Variants in EYS observed in about 807,000 individuals in gnomAD.
EYS encodes the protein EGF-like photoreceptor maintenance factor.
EYS carries 250 observed loss-of-function variants against 282.1 expected under a neutral mutation model. The ratio of observed to expected loss-of-function variants is 0.89; its 90% CI spans 0.80 to 0.98. EYS has a LOEUF of 0.98. Ranked by LOEUF, EYS falls within the 50% of genes least tolerant of loss-of-function variation. The pLI, the probability that EYS is intolerant of heterozygous loss-of-function variation, is 0.00. For missense variants in EYS, 4,016 were observed against 3,709.0 expected (o/e 1.08, Z -2.15); for synonymous variants, 1,355 against 1,282.9 (o/e 1.06, Z -1.20).
intron 5 of EYS, among the ~76,000 whole-genome samples, chr6:65,409,623 C>T (rs575839593): frequency 3.9e-5 from 6 of 152,208 alleles, no homozygotes; most frequent in African/African-American, 7.2e-5. Context: ...TTAAGGTATT[C>T]GTACTTCAAG....
intron 41 of EYS, among the ~76,000 whole-genome samples, chr6:63,739,919 C>T (rs576333118): frequency 1.4e-3 from 208 of 148,974 alleles, no homozygotes; most frequent in Non-Finnish European, 2.5e-3. Context: ...AGGCTGGTCT[C>T]GAACTCCTGA....
chr6:64,719,305 A>G (rs1300711030), intron 22 of EYS, among the ~76,000 whole-genome samples: 2 of 152,184 alleles, frequency 1.3e-5, no homozygotes, highest in Non-Finnish European at 2.9e-5. Flanking sequence ...TGACCTACGG[A>G]GTTCTGGGAT....
intron 12 of EYS, among the ~76,000 whole-genome samples, chr6:65,110,233 A>G (rs1775176443): frequency 6.6e-6 from 1 of 152,124 alleles, no homozygotes; most frequent in Admixed American, 6.6e-5. Context: ...TTCCGTTTAC[A>G]TTGTTCATTC....
At chr6:64,573,993 A>G (rs1178648517) in intron 26 of EYS, among the ~76,000 whole-genome samples, 2 of 152,192 alleles carry the variant, frequency 1.3e-5, no homozygotes, top group African/African-American at 2.4e-5. Context: ...TTATTGCAGG[A>G]CTATTCACAA....
intron 1 of EYS, among the ~76,000 whole-genome samples, chr6:65,649,593 C>T (rs1177774681): frequency 6.6e-6 from 1 of 152,200 alleles, no homozygotes; most frequent in Non-Finnish European, 1.5e-5. Flanking sequence ...AATGCTGATA[C>T]ATGCAAAATA....
At chr6:64,400,452 T>C (rs955168542) in intron 28 of EYS, 6 of 152,092 alleles carry the variant, frequency 3.9e-5, no homozygotes, top group African/African-American at 1.2e-4. Flanking sequence ...CCATTATACC[T>C]ACGTAGGCCA....
intron 2 of EYS, among the ~76,000 whole-genome samples, chr6:65,590,829 A>C (rs918219961): frequency 1.3e-5 from 2 of 151,874 alleles, no homozygotes; most frequent in Non-Finnish European, 2.9e-5. Context: ...TTATGGCTGC[A>C]TAATATTACA....
intron 33 of EYS, among the ~76,000 whole-genome samples, chr6:64,039,504 T>C (rs1433023049): frequency 6.6e-6 from 1 of 152,178 alleles, no homozygotes; most frequent in Admixed American, 6.5e-5. Context: ...AGATTAAAGT[T>C]TTTACCTATG....
At chr6:64,996,865 C>G (rs1771281046) in intron 14 of EYS, among the ~76,000 whole-genome samples, 1 of 152,124 alleles carries the variant, frequency 6.6e-6, no homozygotes, top group African/African-American at 2.4e-5. Context: ...AGTCTTCTTG[C>G]AAATATCAGT....
At chr6:65,115,958 GTCTATCTAATCTA>G (rs1775359172) in intron 12 of EYS, among the ~76,000 whole-genome samples, 1 of 136,234 alleles carries the variant, frequency 7.3e-6, no homozygotes, top group Admixed American at 7.3e-5. Flanking sequence ...CTGTCTGTCT[GTCTATCTAATCTA>G]TCTATCTATC....
rs565349146 is a variant in EYS, at chr6:65,125,645, A to G, written c.2024-67918T>C. On this transcript the variant is annotated intron_variant, in intron 12 of 42. Coordinates refer to ENST00000503581, the MANE Select transcript of EYS (RefSeq NM_001142800.2). The stretch of plus-strand genomic sequence containing the variant: ...ATGTTTGATGGCTTACAGCTTCTAC[A>G]TCTCACTCCTCCTTGCTCTCCTACT... Among the ~76,000 whole-genome samples, 3 of 152,286 alleles carry G rather than the reference A, an allele frequency of 2.0e-5. No homozygotes were observed. The East Asian group carries it at 5.8e-4, about 29-fold the overall frequency.
intron 36 of EYS, among the ~76,000 whole-genome samples, chr6:63,833,114 T>A (rs1367008722): frequency 6.6e-6 from 1 of 152,190 alleles, no homozygotes; most frequent in Non-Finnish European, 1.5e-5. Flanking sequence ...AATATCATAC[T>A]GAATGGGCAA....
chr6:65,380,230 T>C (rs1562137314), intron 8 of EYS, among the ~76,000 whole-genome samples: 1 of 152,018 alleles, frequency 6.6e-6, no homozygotes, highest in African/African-American at 2.4e-5. Context: ...ACTGCAAGGC[T>C]ACACAGTAAC....
chr6:65,078,492 A>T (rs1405755249), intron 12 of EYS, among the ~76,000 whole-genome samples: 2 of 152,090 alleles, frequency 1.3e-5, no homozygotes, highest in East Asian at 3.9e-4. Context: ...AGTAAAGGTC[A>T]AAGGAGTGTG....
chr6:64,453,191 A>C (rs546460296), intron 26 of EYS, among the ~76,000 whole-genome samples: 1 of 151,894 alleles, frequency 6.6e-6, no homozygotes, highest in Non-Finnish European at 1.5e-5. Context: ...CAAAAAGTGG[A>C]CGAAGGATAT....
At chr6:63,725,680 G>A (rs901639339) in intron 42 of EYS, among the ~76,000 whole-genome samples, 1 of 151,948 alleles carries the variant, frequency 6.6e-6, no homozygotes, top group Non-Finnish European at 1.5e-5. Flanking sequence ...AGTGCATTGA[G>A]GTGGAACCAC....
rs9344509 is a variant in EYS, at chr6:63,856,175, C to T, written c.7228+8011G>A. Among the ~76,000 whole-genome samples, 375 of 152,148 alleles carry T rather than the reference C, an allele frequency of 2.5e-3. 13 individuals carry two copies. The East Asian group carries it at 0.065, about 26-fold the overall frequency. ...ATTCATTTGATATGAAGCAATGACT[C>T]TTTGCTAAAGGGCCTGGACTGACAG... On this transcript the variant is annotated intron_variant, in intron 36 of 42. Transcript: ENST00000503581.
chr6:64,319,945 C>T (rs1196415941), intron 29 of EYS, among the ~76,000 whole-genome samples: 2 of 151,982 alleles, frequency 1.3e-5, no homozygotes, highest in African/African-American at 2.4e-5. Flanking sequence ...ATTTTCCTGA[C>T]ACCTGAAGAG....
intron 5 of EYS, among the ~76,000 whole-genome samples, chr6:65,440,934 AGT>A (rs1768296904): frequency 6.8e-6 from 1 of 147,440 alleles, no homozygotes; most frequent in Non-Finnish European, 1.5e-5. Flanking sequence ...TATAAAAAAC[AGT>A]GTCTGTATAT....
Sources: allele counts gnomAD v4.1 joint callset (sites outside exome capture counted in the v4.1 genomes callset), GRCh38; gene constraint gnomAD v4.1.1; transcripts MANE v1.5; gene names NCBI Gene and HGNC (gene_info 2026-07-23, HGNC 2026-07-21).